The following CFAP299 variants were observed in gnomAD, a reference collection of about 807,000 sequenced individuals.
CFAP299 encodes the protein cilia and flagella associated protein 299, also known as cilia- and flagella-associated protein 299.
A neutral mutation model predicts 27.0 loss-of-function variants in CFAP299; 21 were observed. The observed-to-expected ratio is 0.78, with a 90% confidence interval of 0.55 to 1.12. The LOEUF is 1.12. CFAP299 is among the 50% of genes most tolerant of loss of function. CFAP299 has a pLI of 0.00. For synonymous variants in CFAP299, 104 were observed against 98.1 expected, an observed-to-expected ratio of 1.06 and a Z score of -0.36; for missense variants, 310 against 276.6, an observed-to-expected ratio of 1.12 and a Z score of -0.86.
intron 4 of CFAP299, among the ~76,000 whole-genome samples, chr4:80,907,234 C>T (rs1560471917): frequency 6.6e-6 from 1 of 152,202 alleles, no homozygotes; most frequent in African/African-American, 2.4e-5. Context: ...CTGAGACCAA[C>T]TCAGCCTAGA....
intron 2 of CFAP299, among the ~76,000 whole-genome samples, chr4:80,380,095 T>C (rs554786473): frequency 6.6e-6 from 1 of 152,320 alleles, no homozygotes; most frequent in Admixed American, 6.5e-5. Context: ...GCTAGATACA[T>C]ATGCTTCATG....
chr4:80,382,355 G>A (rs2007145), intron 2 of CFAP299, among the ~76,000 whole-genome samples: 142,889 of 152,298 alleles, frequency 0.94, 67,593 homozygotes, highest in East Asian at 1. Context: ...CTAATTAACT[G>A]CAGTGTTTCT....
intron 3 of CFAP299, among the ~76,000 whole-genome samples, chr4:80,775,364 A>G (rs1223017420): frequency 6.6e-6 from 1 of 152,076 alleles, no homozygotes; most frequent in Non-Finnish European, 1.5e-5. Flanking sequence ...TAAGAGATAT[A>G]TCTCATCTTC....
At chr4:80,441,154 T>C (rs1159476717) in intron 2 of CFAP299, among the ~76,000 whole-genome samples, 1 of 152,154 alleles carries the variant, frequency 6.6e-6, no homozygotes, top group Non-Finnish European at 1.5e-5. Flanking sequence ...CAGGATAACT[T>C]CCCCAACCTA....
chr4:80,608,044 T>C (rs1737768059), intron 3 of CFAP299, among the ~76,000 whole-genome samples: 2 of 152,176 alleles, frequency 1.3e-5, no homozygotes, highest in South Asian at 4.1e-4. Flanking sequence ...TAGCCAAAGT[T>C]TCTTTTTCAA....
At chr4:80,813,747 C>A (rs1729278609) in intron 3 of CFAP299, among the ~76,000 whole-genome samples, 1 of 151,746 alleles carries the variant, frequency 6.6e-6, no homozygotes, top group African/African-American at 2.4e-5. Flanking sequence ...ATAAAACAAA[C>A]AAAAATAACA....
chr4:80,835,634 G>A (rs1243237315), intron 3 of CFAP299, among the ~76,000 whole-genome samples: 1 of 152,066 alleles, frequency 6.6e-6, no homozygotes, highest in African/African-American at 2.4e-5. Flanking sequence ...AAAGAATCTG[G>A]AAATGAAGAA....
chr4:80,665,926 C>T (rs980021071), intron 3 of CFAP299, among the ~76,000 whole-genome samples: 1 of 152,030 alleles, frequency 6.6e-6, no homozygotes, highest in Admixed American at 6.6e-5. Flanking sequence ...ATGCCTGCTC[C>T]CTCTTTGCTT....
At chr4:80,845,293 T>TTTTC (rs201846435) in intron 3 of CFAP299, among the ~76,000 whole-genome samples, 278 of 150,908 alleles carry the variant, frequency 1.8e-3, no homozygotes, top group African/African-American at 6.4e-3. Context: ...TTTTTTTTTT[T>TTTTC]AAAAGACCGT....
rs184494882 is a variant in CFAP299 at position 80,462,067 on chromosome 4, A to G, written c.242+99183A>G. 2.0e-5 allele frequency among the ~76,000 whole-genome samples: 3 copies of G among 152,288 alleles called. No individual in the cohort carries two copies. The East Asian group carries it at 5.8e-4, about 29-fold the overall frequency. ...GGCCATCCTGGGATTCCCAAAGGGC[A>G]GTAACCATGCTAATTTAATCCAACC... On this transcript the variant is annotated intron_variant, in intron 2 of 5. Coordinates refer to ENST00000358105, the MANE Select transcript of CFAP299 (RefSeq NM_152770.3).
chr4:80,686,087 A>G (rs1431420403), intron 3 of CFAP299, among the ~76,000 whole-genome samples: 2 of 152,192 alleles, frequency 1.3e-5, no homozygotes, highest in Non-Finnish European at 2.9e-5. Flanking sequence ...AACCAAGTAT[A>G]GCATACATGT....
intron 3 of CFAP299, among the ~76,000 whole-genome samples, chr4:80,588,220 T>A (rs949630691): frequency 6.6e-6 from 1 of 150,996 alleles, no homozygotes; most frequent in Non-Finnish European, 1.5e-5. Context: ...GTGGCTCCTG[T>A]CAGCTAAGGA....
intron 3 of CFAP299, among the ~76,000 whole-genome samples, chr4:80,686,175 C>T (rs897666392): frequency 6.6e-6 from 1 of 152,098 alleles, no homozygotes; most frequent in African/African-American, 2.4e-5. Context: ...TAAAAGAACT[C>T]CTTAGATTGT....
chr4:80,822,982 A>G (rs1357424428), intron 3 of CFAP299, among the ~76,000 whole-genome samples: 2 of 152,192 alleles, frequency 1.3e-5, no homozygotes, highest in Non-Finnish European at 2.9e-5. Flanking sequence ...TTTTAGGAAT[A>G]GTCCAAACCA....
chr4:80,638,669 A>G (rs745679897), intron 3 of CFAP299, among the ~76,000 whole-genome samples: 11 of 152,172 alleles, frequency 7.2e-5, no homozygotes, highest in Non-Finnish European at 1.5e-4. Flanking sequence ...CACAATGATC[A>G]TATTTTCTGA....
At chr4:80,766,189 C>A (rs1225564961) in intron 3 of CFAP299, among the ~76,000 whole-genome samples, 1 of 152,052 alleles carries the variant, frequency 6.6e-6, no homozygotes, top group African/African-American at 2.4e-5. Flanking sequence ...GAGGAAAAAA[C>A]TCCAATCACC....
Position 80,452,800 on chromosome 4 carries a change from C to T in CFAP299, c.242+89916C>T, listed in dbSNP as rs116045907. Among the ~76,000 whole-genome samples, 886 of 152,214 alleles carry T rather than the reference C, an allele frequency of 5.8e-3. 7 individuals are homozygous for T. Among genetic ancestry groups the T allele is most frequent in the African/African-American group, 0.02 (840 of 41,522 alleles). On this transcript the variant is annotated intron_variant, in intron 2 of 5. Coordinates refer to ENST00000358105, the MANE Select transcript of CFAP299 (RefSeq NM_152770.3). ...ATACATTTCCCCAAATGAAAACATC[C>T]GTCCGCATTGATGTTTTCCATTAGT...
intron 3 of CFAP299, among the ~76,000 whole-genome samples, chr4:80,636,210 A>G (rs1441383251): frequency 3.9e-5 from 6 of 152,146 alleles, no homozygotes; most frequent in Non-Finnish European, 1.5e-5. Flanking sequence ...ACACCTGCCT[A>G]GCTGGCCAGA....
At chr4:80,423,120 T>G in intron 2 of CFAP299, among the ~76,000 whole-genome samples, 1 of 152,234 alleles carries the variant, frequency 6.6e-6, no homozygotes, top group East Asian at 1.9e-4. Context: ...ATTATAATCT[T>G]ATGGGACTAC....
Sources: gnomAD v4.1 joint callset for allele counts (sites outside exome capture counted in the v4.1 genomes callset) on GRCh38, gnomAD v4.1.1 for gene constraint, MANE v1.5 for transcripts, NCBI Gene and HGNC (gene_info 2026-07-23, HGNC 2026-07-21) for gene names.